NMNAT1: variants seen among roughly 807,000 people sequenced by gnomAD.
The protein encoded by NMNAT1 is nicotinamide nucleotide adenylyltransferase 1.
NMNAT1 carries 11 observed loss-of-function variants against 16.7 expected under a neutral mutation model. The ratio of observed to expected loss-of-function variants is 0.66; its 90% CI spans 0.41 to 1.09. The LOEUF is 1.09. Among genes scored for constraint, NMNAT1 ranks in the 50% least tolerant of loss-of-function variants. NMNAT1 has a pLI of 0.00. For synonymous variants in NMNAT1, 110 were observed against 119.8 expected, an observed-to-expected ratio of 0.92 and a Z score of 0.53; for missense variants, 280 against 332.3, an observed-to-expected ratio of 0.84 and a Z score of 1.22.
At chr1:9,989,816 T>C (rs2101723357), downstream of NMNAT1, among the ~76,000 whole-genome samples, 1 of 152,326 alleles carries the variant, frequency 6.6e-6, no homozygotes, top group Non-Finnish European at 1.5e-5. Context: ...CTGTTAACAC[T>C]TAAGCTGTCC....
intron 1 of NMNAT1, among the ~76,000 whole-genome samples, chr1:9,956,452 T>C (rs1557459987): frequency 1.3e-5 from 2 of 149,080 alleles, no homozygotes; most frequent in South Asian, 2.1e-4. Flanking sequence ...GACAGAGTCT[T>C]GTTCTGTCAC....
At chr1:9,991,848 T>C in the NMNAT1 span, among the ~76,000 whole-genome samples, 5 of 152,072 alleles carry the variant, frequency 3.3e-5, no homozygotes, top group East Asian at 9.7e-4. Context: ...TTCTTGAAGA[T>C]ATCCAAGTAC....
downstream of NMNAT1, among the ~76,000 whole-genome samples, chr1:9,988,315 AT>A (rs1306084405): frequency 6.6e-6 from 1 of 152,092 alleles, no homozygotes; most frequent in Non-Finnish European, 1.5e-5. Flanking sequence ...TTTATTTAAC[AT>A]TTATATCTTC....
chr1:9,972,893 C>G (rs1452306145), intron 2 of NMNAT1, among the ~76,000 whole-genome samples: 1 of 152,098 alleles, frequency 6.6e-6, no homozygotes, highest in Non-Finnish European at 1.5e-5. Flanking sequence ...CCCGGGAGGT[C>G]TAGGCTACCG....
At chr1:9,968,440 G>A (rs887143439) in intron 1 of NMNAT1, among the ~76,000 whole-genome samples, 1 of 150,490 alleles carries the variant, frequency 6.6e-6, no homozygotes, top group Non-Finnish European at 1.5e-5. Context: ...CAGGAGGTAG[G>A]TAGTATTATT....
In NMNAT1 at chr1:9,957,601, A is replaced by G. The variant is rs930412574; in HGVS notation, c.-57+14086A>G. On this transcript the variant is annotated intron_variant, in intron 1 of 4. Coordinates refer to ENST00000377205, the MANE Select transcript of NMNAT1 (RefSeq NM_022787.4). Reference sequence around the variant, plus strand: ...CCACCGTGCCCAGCCCTTATTTACCAGTTTTTAAATTCACGTTAATTTGCG... The same window carrying G: ...CCACCGTGCCCAGCCCTTATTTACCGGTTTTTAAATTCACGTTAATTTGCG... Among the ~76,000 whole-genome samples the G allele has an allele frequency of 2.6e-5, 4 of 152,142 alleles. No homozygotes were observed. In the South Asian group the frequency reaches 6.2e-4, roughly 24 times the overall value.
At chr1:9,961,725 G>C (rs1641412260) in intron 1 of NMNAT1, among the ~76,000 whole-genome samples, 1 of 152,086 alleles carries the variant, frequency 6.6e-6, no homozygotes, top group South Asian at 2.1e-4. Flanking sequence ...ACAGTTAGCA[G>C]TGTCCCTGTG....
intron 1 of NMNAT1, among the ~76,000 whole-genome samples, chr1:9,946,109 T>C (rs543700920): frequency 1.3e-5 from 2 of 152,336 alleles, no homozygotes; most frequent in African/African-American, 4.8e-5. Flanking sequence ...TTGTGTAGTT[T>C]TAGCGTGTGC....
At chr1:9,978,864 C>T (rs1641872323) in intron 3 of NMNAT1, among the ~76,000 whole-genome samples, 1 of 152,162 alleles carries the variant, frequency 6.6e-6, no homozygotes, top group South Asian at 2.1e-4. Context: ...TGCTTAGGGC[C>T]CCTTCCTTTA....
chr1:9,980,099 T>C (rs1330790028), intron 3 of NMNAT1, among the ~76,000 whole-genome samples: 1 of 151,420 alleles, frequency 6.6e-6, no homozygotes, highest in East Asian at 2.0e-4. Context: ...ACCCGGCTAA[T>C]TTTCTATTTT....
chr1:9,971,217 T>C (rs1433861559), intron 1 of NMNAT1, among the ~76,000 whole-genome samples: 2 of 152,180 alleles, frequency 1.3e-5, no homozygotes, highest in Non-Finnish European at 2.9e-5. Context: ...TGTGGAGAAG[T>C]CACTTCCATC....
chr1:9,951,455 GT>G (rs372572948), intron 1 of NMNAT1, among the ~76,000 whole-genome samples: 3 of 134,638 alleles, frequency 2.2e-5, no homozygotes, highest in East Asian at 2.2e-4. Context: ...AACAGCTTCA[GT>G]TTTTTTTTGT....
intron 1 of NMNAT1, among the ~76,000 whole-genome samples, chr1:9,944,903 T>G (rs1304085269): frequency 2.0e-5 from 3 of 152,228 alleles, no homozygotes. Flanking sequence ...TGCAATAGCC[T>G]CTACCTTGCA....
chr1:9,996,079 AGGC>A, the NMNAT1 span, among the ~76,000 whole-genome samples: 1 of 152,166 alleles, frequency 6.6e-6, no homozygotes, highest in Non-Finnish European at 1.5e-5. Context: ...TGGGAGGCCA[AGGC>A]GGGCGGATCA....
At chr1:9,943,059 T>A (rs1243132479), upstream of NMNAT1, 1 of 277,088 alleles carries the variant, frequency 3.6e-6, no homozygotes, top group Non-Finnish European at 7.4e-6. Context: ...TCCTTGAAAG[T>A]GAGGAGGGTT....
downstream of NMNAT1, among the ~76,000 whole-genome samples, chr1:9,990,270 G>A (rs1642093463): frequency 6.6e-6 from 1 of 152,080 alleles, no homozygotes; most frequent in South Asian, 2.1e-4. Flanking sequence ...ACTGTCATCG[G>A]GGACCCGGGT....
At chr1:9,962,051 A>C (rs566653863) in intron 1 of NMNAT1, among the ~76,000 whole-genome samples, 66 of 151,912 alleles carry the variant, frequency 4.3e-4, no homozygotes, top group African/African-American at 1.4e-3. Flanking sequence ...TACAGGCATG[A>C]CCTACCGCGC....
At chr1:9,970,625 C>T (rs1641666423) in intron 1 of NMNAT1, among the ~76,000 whole-genome samples, 1 of 151,106 alleles carries the variant, frequency 6.6e-6, no homozygotes, top group Non-Finnish European at 1.5e-5. Flanking sequence ...GGAGGCGGAG[C>T]TTGCAGTGAG....
chr1:9,957,941 C>T lies in NMNAT1; in HGVS notation c.-56-14077C>T, dbSNP rs182757051. Among the ~76,000 whole-genome samples, 291 of 152,272 alleles carry T rather than the reference C, an allele frequency of 1.9e-3. 1 individual carries two copies. The highest frequency in any genetic ancestry group is 6.0e-3 in the African/African-American group (250 of 41,544). On this transcript the variant is annotated intron_variant, in intron 1 of 4. Transcript: ENST00000377205. ...CTGCAGACATAAGCTAACGCTAGACCGTTGGGACTGGTCTCCAGGGAATCT... is the reference window on the plus strand; with the variant it reads ...CTGCAGACATAAGCTAACGCTAGACTGTTGGGACTGGTCTCCAGGGAATCT...
Sources: gnomAD v4.1 joint callset for allele counts (sites outside exome capture counted in the v4.1 genomes callset) on GRCh38, gnomAD v4.1.1 for gene constraint, MANE v1.5 for transcripts, NCBI Gene and HGNC (gene_info 2026-07-23, HGNC 2026-07-21) for gene names.